PAXBP1: variants seen among roughly 807,000 people sequenced by gnomAD.
The protein encoded by PAXBP1 is PAX3 and PAX7 binding protein 1, also known as PAX3- and PAX7-binding protein 1.
A neutral mutation model predicts 119.9 loss-of-function variants in PAXBP1; 44 were observed. The ratio of observed to expected loss-of-function variants is 0.37; its 90% confidence interval spans 0.29 to 0.47. The LOEUF is 0.47. Among genes scored for constraint, PAXBP1 ranks in the 20% least tolerant of loss-of-function variants. The probability of loss-of-function intolerance (pLI) is 0.99; values close to 1 mark genes in which losing one functional copy is unlikely to be tolerated. For synonymous variants in PAXBP1, 393 were observed against 406.6 expected (o/e 0.97, Z 0.40); for missense variants, 898 against 1,134.1 (o/e 0.79, Z 2.99).
chr21:32,759,406 T>C, intron 6 of PAXBP1, 137 bp from the exon 7 acceptor site: 1 of 933,410 alleles, frequency 1.1e-6, no homozygotes. Flanking sequence ...TTTTCCTCTG[T>C]ACTGCTTTTT....
intron 4 of PAXBP1, 82 bp from the exon 5 acceptor site, chr21:32,761,244 A>T: frequency 1.1e-6 from 1 of 952,088 alleles, no homozygotes; most frequent in Non-Finnish European, 1.7e-6. Flanking sequence ...ATTTCACAAG[A>T]ACTGAGCAAA....
At chr21:32,746,773 G>A (rs2043878256) in intron 11 of PAXBP1, among the ~76,000 whole-genome samples, 1 of 152,092 alleles carries the variant, frequency 6.6e-6, no homozygotes, top group Non-Finnish European at 1.5e-5. Flanking sequence ...CTATTATAAA[G>A]CTACATGCAT....
At chr21:32,749,686 A>C (rs1045865832) in intron 10 of PAXBP1, among the ~76,000 whole-genome samples, 3 of 150,956 alleles carry the variant, frequency 2.0e-5, no homozygotes, top group Non-Finnish European at 4.4e-5. Flanking sequence ...TTGGGGAAGA[A>C]AAAAAAAAAG....
rs775447295 is a variant in PAXBP1, at chr21:32,737,394, G to A, written c.2496C>T (p.Phe832=). 6 of 1,599,796 alleles carry A rather than the reference G, an allele frequency of 3.8e-6. No individual in the cohort carries two copies. The highest frequency in any genetic ancestry group is 5.1e-6 in the Non-Finnish European group (6 of 1,175,306). The change falls in exon 17 of 18, where the codon TTC becomes TTT. Residue 832 remains phenylalanine (F), a synonymous_variant. Transcript: ENST00000331923. ...TCAGATTCATGAACCATTGTTTGGG[G>A]AAACAATTGATTACCTGTGGAGAAG... is the stretch of plus-strand genomic sequence containing the variant. ...IKKAQNVINC[F]PKQWFMNLKG...
Position 32,755,333 on chromosome 21 carries a change from A to G in PAXBP1, c.1404T>C (p.Leu468=), listed in dbSNP as rs1392790571. The change falls in exon 8 of 18, where the codon CTT becomes CTC. Residue 468 remains leucine, a synonymous_variant. Coordinates refer to ENST00000331923, the MANE Select transcript of PAXBP1 (RefSeq NM_016631.4). The part of the protein sequence containing the change: ...FSEKVPLINE[L]ESAIHQLYKQ... ...TGTACAGCTGATGTATTGCTGATTCAAGTTCATTAATCAGTGGCACCTGTA... is the reference window on the plus strand; with the variant it reads ...TGTACAGCTGATGTATTGCTGATTCGAGTTCATTAATCAGTGGCACCTGTA... 6.2e-7 allele frequency: 1 copy of G among 1,612,706 alleles called. No individual in the cohort carries two copies.
chr21:32,771,529 C>G lies in PAXBP1; in HGVS notation c.140G>C (p.Gly47Ala). 1 of 1,348,350 alleles carries G rather than the reference C, an allele frequency of 7.4e-7. No homozygotes were observed. The highest frequency in any genetic ancestry group is 9.5e-7 in the Non-Finnish European group (1 of 1,056,332). The allele number at this position is 1,348,350 out of a possible 1,614,324, so 83.5% of individuals were successfully genotyped here. A position where few individuals can be genotyped will look rare whatever the true frequency, so the allele number is the denominator to read the frequency against. ...CGACTCCCCGCCAGGGGCCCTGTCG[C>G]CGCCACCGGGGCCCGCCTCTTCGCC... is the stretch of plus-strand genomic sequence containing the variant. ...GTGEEAGPGG[G>A]DRAPGGESLL... The change falls in exon 1 of 18, where the codon GGC becomes GCC. Residue 47 changes from glycine (G) to alanine (A), a missense_variant. Coordinates refer to ENST00000331923, the MANE Select transcript of PAXBP1 (RefSeq NM_016631.4).
Position 32,734,851 on chromosome 21 carries a change from C to A in PAXBP1, c.*99G>T. On this transcript the variant is annotated 3_prime_UTR_variant, in exon 18 of 18. Transcript: ENST00000331923. The stretch of plus-strand genomic sequence containing the variant: ...GAATATAATGTTTTTTGTATTAAAA[C>A]AAGAATTGCTATTTTACAGTTTAAG... 1.2e-6 allele frequency: 1 copy of A among 844,334 alleles called. No individual in the cohort carries two copies. The highest frequency in any genetic ancestry group is 2.0e-6 in the Non-Finnish European group (1 of 498,946). The allele number at this position is 844,334 out of a possible 1,614,324, so 52.3% of individuals were successfully genotyped here. A position where few individuals can be genotyped will look rare whatever the true frequency, so the allele number is the denominator to read the frequency against.
rs963406771 is a variant in PAXBP1, at chr21:32,769,743, T to C, written c.472+71A>G. ...GTCCACTGAATGAGTTCAGAAGATA[T>C]ACAGCAAATCACTGTGAGAAAGAGC... On this transcript the variant is annotated intron_variant, in intron 2 of 17. Coordinates refer to ENST00000331923, the MANE Select transcript of PAXBP1 (RefSeq NM_016631.4). The C allele has an allele frequency of 9.2e-6, 14 of 1,527,088 alleles. No individual in the cohort carries two copies. The African/African-American group carries it at 1.1e-4, about 12-fold the overall frequency. 94.6% of individuals were successfully genotyped at this position (1,527,088 alleles called of 1,614,324 possible).
intron 7 of PAXBP1, among the ~76,000 whole-genome samples, chr21:32,758,354 A>G (rs187575877): frequency 5.3e-5 from 8 of 152,212 alleles, no homozygotes; most frequent in African/African-American, 9.6e-5. Flanking sequence ...TGCAAAGTCC[A>G]CAAATGCTTA....
rs1448006091 is a variant in PAXBP1, at chr21:32,734,546, A to G, written c.*404T>C. 1.0e-5 allele frequency: 2 copies of G among 192,834 alleles called. No individual in the cohort carries two copies. The highest frequency in any genetic ancestry group is 4.8e-5 in the African/African-American group (2 of 41,740). The allele number at this position is 192,834 out of a possible 1,614,324, so 11.9% of individuals were successfully genotyped here. On this transcript the variant is annotated 3_prime_UTR_variant, in exon 18 of 18. Transcript: ENST00000331923. ...CCCTAAGACAATTTGCTACCGGATA[A>G]TTTTCTGCTGTTAAAAGGCTTCCTC...
intron 7 of PAXBP1, among the ~76,000 whole-genome samples, chr21:32,758,393 T>A (rs2044077594): frequency 1.3e-5 from 2 of 151,256 alleles, no homozygotes; most frequent in Admixed American, 6.6e-5. Context: ...AATACTTTTA[T>A]CTTAAAGAAA....
At chr21:32,737,497 AT>A in intron 16 of PAXBP1, 89 bp from the exon 17 acceptor site, 1 of 1,096,344 alleles carries the variant, frequency 9.1e-7, no homozygotes, top group Non-Finnish European at 1.3e-6. Flanking sequence ...GTATAAATGT[AT>A]TTCACCAGAA....
intron 3 of PAXBP1, 113 bp from the exon 4 acceptor site, chr21:32,762,430 T>C: frequency 7.3e-7 from 1 of 1,362,444 alleles, no homozygotes; most frequent in East Asian, 2.5e-5. Context: ...ATGTTTCAGC[T>C]GCTGGCACCT....
intron 14 of PAXBP1, 107 bp downstream of exon 14, chr21:32,743,571 A>G (rs2043822460): frequency 2.3e-6 from 2 of 860,724 alleles, no homozygotes; most frequent in East Asian, 2.6e-5. Flanking sequence ...TCTGTAATAC[A>G]CTACATGGGT....
intron 3 of PAXBP1, 116 bp from the exon 4 acceptor site, chr21:32,762,433 T>C (rs1415384348): frequency 7.4e-7 from 1 of 1,347,204 alleles, no homozygotes; most frequent in East Asian, 2.5e-5. Context: ...TTTCAGCTGC[T>C]GGCACCTCCT....
At chr21:32,748,294 A>T (rs1601592570) in intron 11 of PAXBP1, among the ~76,000 whole-genome samples, 1 of 151,976 alleles carries the variant, frequency 6.6e-6, no homozygotes, top group East Asian at 1.9e-4. Context: ...CAACAACAAC[A>T]AAAAAAACAC....
At chr21:32,743,029 C>G (rs767590123) in intron 15 of PAXBP1, 12 of 641,468 alleles carry the variant, frequency 1.9e-5, no homozygotes, top group Non-Finnish European at 3.0e-5. Flanking sequence ...TCGTTGAGTA[C>G]GATGGACCTT....
chr21:32,757,521 G>T (rs528535267), intron 7 of PAXBP1, among the ~76,000 whole-genome samples: 7 of 152,202 alleles, frequency 4.6e-5, no homozygotes, highest in South Asian at 4.1e-4. Context: ...ACTTCTCTAG[G>T]AACAAGGTAA....
chr21:32,764,502 T>C lies in PAXBP1; in HGVS notation c.495A>G (p.Thr165=), dbSNP rs868433878. The change falls in exon 3 of 18, where the codon ACA becomes ACG. Residue 165 remains threonine, a synonymous_variant. Transcript: ENST00000331923. ...SAESEQPLDK[T]GHVKDTNQED... ...CTTGATTTGTATCCTTAACATGTCC[T>C]GTTTTGTCCAAAGGTTGTTCACCTA... The C allele has an allele frequency of 1.2e-6, 2 of 1,609,188 alleles. No individual in the cohort carries two copies. Among genetic ancestry groups the C allele is most frequent in the African/African-American group, 2.7e-5 (2 of 74,824 alleles).
Sources: gnomAD v4.1 joint callset for allele counts (sites outside exome capture counted in the v4.1 genomes callset) on GRCh38, gnomAD v4.1.1 for gene constraint, MANE v1.5 for transcripts, NCBI Gene and HGNC (gene_info 2026-07-23, HGNC 2026-07-21) for gene names.